The following LINGO2 variants were observed in gnomAD, a reference collection of about 807,000 sequenced individuals.
The protein encoded by LINGO2 is leucine rich repeat and Ig domain containing 2.
In LINGO2, 14 loss-of-function variants were observed where a neutral mutation model predicts 30.6. The observed-to-expected ratio is 0.46, with a 90% CI of 0.30 to 0.72. The LOEUF (loss-of-function observed/expected upper bound fraction) is 0.72. Ranked by LOEUF, LINGO2 falls within the 30% of genes least tolerant of loss-of-function variation. The pLI, the probability that LINGO2 is intolerant of heterozygous loss-of-function variation, is 0.07. For synonymous variants in LINGO2, 317 were observed against 288.5 expected (o/e 1.10, Z -1.00); for missense variants, 729 against 751.7 (o/e 0.97, Z 0.35).
chr9:28,868,958 T>A, the LINGO2 span, among the ~76,000 whole-genome samples: 3 of 152,142 alleles, frequency 2.0e-5, no homozygotes, highest in Non-Finnish European at 4.4e-5. Context: ...GGAATTTATA[T>A]CTCGCTGATT....
chr9:28,398,873 A>T (rs1017818446), intron 2 of LINGO2, among the ~76,000 whole-genome samples: 11 of 152,172 alleles, frequency 7.2e-5, no homozygotes, highest in Non-Finnish European at 1.5e-4. Flanking sequence ...CCTTTCACTT[A>T]ACCCCTTTTC....
At chr9:29,181,028 C>T in the LINGO2 span, among the ~76,000 whole-genome samples, 6 of 152,160 alleles carry the variant, frequency 3.9e-5, no homozygotes, top group Non-Finnish European at 7.3e-5. Flanking sequence ...GCAAGATCAA[C>T]ATATGCTGAA....
At chr9:29,091,326 T>C in the LINGO2 span, among the ~76,000 whole-genome samples, 1 of 152,092 alleles carries the variant, frequency 6.6e-6, no homozygotes, top group Non-Finnish European at 1.5e-5. Flanking sequence ...TGTTTAGATT[T>C]ATAGACATTA....
chr9:29,168,057 T>A, the LINGO2 span, among the ~76,000 whole-genome samples: 1 of 152,138 alleles, frequency 6.6e-6, no homozygotes, highest in Non-Finnish European at 1.5e-5. Context: ...TGTTTATTTG[T>A]CTTTTTTTAA....
At chr9:28,892,260 A>T in the LINGO2 span, among the ~76,000 whole-genome samples, 3 of 152,090 alleles carry the variant, frequency 2.0e-5, no homozygotes, top group East Asian at 5.8e-4. Context: ...CTCAAGTTTG[A>T]GATTTGCTTA....
chr9:28,310,210 C>T (rs550406457), intron 3 of LINGO2, among the ~76,000 whole-genome samples: 2 of 152,276 alleles, frequency 1.3e-5, no homozygotes, highest in South Asian at 2.1e-4. Context: ...AGAAATGGAA[C>T]ATATGACATA....
At chr9:28,355,295 CTATG>C (rs148427331) in intron 3 of LINGO2, among the ~76,000 whole-genome samples, 1,276 of 29,390 alleles carry the variant, frequency 0.043, 11 homozygotes, top group Non-Finnish European at 0.056. Context: ...CTCTCTCTCT[CTATG>C]TCTCTCTCTC....
chr9:28,585,554 A>T (rs1238642692), intron 1 of LINGO2, among the ~76,000 whole-genome samples: 1 of 150,386 alleles, frequency 6.6e-6, no homozygotes, highest in Non-Finnish European at 1.5e-5. Context: ...CACTTTATAA[A>T]ATAGGTCTTG....
At chr9:29,044,018 G>C in the LINGO2 span, among the ~76,000 whole-genome samples, 1 of 151,988 alleles carries the variant, frequency 6.6e-6, no homozygotes, top group Non-Finnish European at 1.5e-5. Flanking sequence ...CGAACAGTTT[G>C]CAAACACAGG....
chr9:28,544,462 A>G (rs1821843419), intron 1 of LINGO2, among the ~76,000 whole-genome samples: 1 of 152,030 alleles, frequency 6.6e-6, no homozygotes, highest in African/African-American at 2.4e-5. Context: ...AGGTACACCG[A>G]ACCCTCTCTG....
chr9:28,217,426 A>C (rs1470969284), intron 4 of LINGO2, among the ~76,000 whole-genome samples: 1 of 151,986 alleles, frequency 6.6e-6, no homozygotes, highest in Non-Finnish European at 1.5e-5. Flanking sequence ...CAAAAAAAAG[A>C]AAAAGAAAAT....
chr9:28,272,652 ATTC>A (rs1822981843), intron 4 of LINGO2, among the ~76,000 whole-genome samples: 1 of 151,942 alleles, frequency 6.6e-6, no homozygotes, highest in Non-Finnish European at 1.5e-5. Context: ...AATTCCCTTT[ATTC>A]TTTTTCTCCC....
At chr9:28,932,463 T>A in the LINGO2 span, among the ~76,000 whole-genome samples, 1 of 152,226 alleles carries the variant, frequency 6.6e-6, no homozygotes, top group African/African-American at 2.4e-5. Context: ...CCATAGCTAC[T>A]ATTTATTGAG....
chr9:28,108,765 G>T (rs1039211988), intron 4 of LINGO2, among the ~76,000 whole-genome samples: 1 of 152,066 alleles, frequency 6.6e-6, no homozygotes, highest in African/African-American at 2.4e-5. Flanking sequence ...TGAACACTTA[G>T]TTCTTTCCTT....
At chr9:29,083,441 G>A in the LINGO2 span, among the ~76,000 whole-genome samples, 5 of 152,036 alleles carry the variant, frequency 3.3e-5, no homozygotes, top group Non-Finnish European at 7.4e-5. Flanking sequence ...TGTGGGGTGA[G>A]GGAGGGGGGA....
intron 2 of LINGO2, among the ~76,000 whole-genome samples, chr9:28,401,867 C>A (rs80030589): frequency 6.6e-6 from 1 of 151,948 alleles, no homozygotes; most frequent in East Asian, 1.9e-4. Flanking sequence ...GGTTTTGATT[C>A]GTATTTCTTT....
intron 4 of LINGO2, among the ~76,000 whole-genome samples, chr9:28,242,336 T>C (rs764022960): frequency 6.6e-6 from 1 of 151,976 alleles, no homozygotes; most frequent in Admixed American, 6.5e-5. Context: ...TACACAAGTA[T>C]AAATAGCAGA....
At chr9:29,041,571 G>A in the LINGO2 span, among the ~76,000 whole-genome samples, 1 of 151,920 alleles carries the variant, frequency 6.6e-6, no homozygotes, top group African/African-American at 2.4e-5. Flanking sequence ...TTAAGAAAAT[G>A]TAGCTCAACC....
At chr9:28,343,774 A>G (rs1333615773) in intron 3 of LINGO2, among the ~76,000 whole-genome samples, 1 of 152,134 alleles carries the variant, frequency 6.6e-6, no homozygotes, top group Non-Finnish European at 1.5e-5. Context: ...TAGGACACAT[A>G]TGAAGAGTTT....
Sources: gnomAD v4.1 joint callset for allele counts (sites outside exome capture counted in the v4.1 genomes callset) on GRCh38, gnomAD v4.1.1 for gene constraint, MANE v1.5 for transcripts, NCBI Gene and HGNC (gene_info 2026-07-23, HGNC 2026-07-21) for gene names.